TMPRSS9: variants seen among roughly 807,000 people sequenced by gnomAD.
The protein encoded by TMPRSS9 is transmembrane serine protease 9.
In TMPRSS9, 113 loss-of-function variants were observed where a neutral mutation model predicts 111.4. That is an observed-to-expected ratio of 1.01 (90% CI 0.87 to 1.19). The LOEUF (loss-of-function observed/expected upper bound fraction) is 1.19. Among genes scored for constraint, TMPRSS9 ranks in the 50% most tolerant of loss-of-function variants. The pLI is 0.00. For missense variants in TMPRSS9, 1,803 were observed against 1,513.1 expected (o/e 1.19, Z -3.18); for synonymous variants, 805 against 659.1 (o/e 1.22, Z -3.39).
chr19:2,394,690 A>G (rs1311860022), intron 1 of TMPRSS9, among the ~76,000 whole-genome samples: 1 of 152,150 alleles, frequency 6.6e-6, no homozygotes, highest in Non-Finnish European at 1.5e-5. Context: ...ATACCCATCT[A>G]GCATATCTAT....
At chr19:2,424,154 T>A in exon 15 of TMPRSS9, 2 of 1,450,746 alleles carry the variant, frequency 1.4e-6, no homozygotes, top group Non-Finnish European at 1.8e-6. Context: ...CCGTGGGGAG[T>A]GGCCGTGGCA....
At chr19:2,378,495 G>A (rs868724673) in intron 1 of TMPRSS9, among the ~76,000 whole-genome samples, 10 of 151,028 alleles carry the variant, frequency 6.6e-5, no homozygotes, top group African/African-American at 2.4e-4. Flanking sequence ...CAAGGTGAGT[G>A]GATCACAAGC....
intron 1 of TMPRSS9, among the ~76,000 whole-genome samples, chr19:2,381,061 G>C (rs553581650): frequency 6.6e-6 from 1 of 152,164 alleles, no homozygotes; most frequent in East Asian, 1.9e-4. Context: ...CATTCTTGTA[G>C]CATCATGTTA....
intron 7 of TMPRSS9, among the ~76,000 whole-genome samples, chr19:2,406,225 A>C (rs1400245533): frequency 6.7e-6 from 1 of 149,840 alleles, no homozygotes; most frequent in Non-Finnish European, 1.5e-5. Context: ...TCACCATGTT[A>C]GTCAGGATGG....
At chr19:2,422,345 C>T (rs1971486365) in intron 14 of TMPRSS9, 98 bp downstream of exon 15, 10 of 1,380,628 alleles carry the variant, frequency 7.2e-6, no homozygotes, top group African/African-American at 2.9e-5. Context: ...TTTGGGAGGC[C>T]GAGGCGGGCG....
At position 2,410,403 on chromosome 19, in the gene TMPRSS9, C is replaced by T. The variant is rs369027280; in HGVS notation, c.1254+9C>T. The T allele has an allele frequency of 6.2e-7, 1 of 1,613,514 alleles. No individual in the cohort carries two copies. The highest frequency in any genetic ancestry group is 8.5e-7 in the Non-Finnish European group (1 of 1,179,936). On this transcript the variant is annotated intron_variant, in intron 9 of 17. Coordinates refer to ENST00000648592, the Ensembl canonical transcript of TMPRSS9. ...AGGTGGACTCCTGCCAGGTGAGCCC[C>T]CGATGCCCCAGACCCCAGAAAAACA... is the stretch of plus-strand genomic sequence containing the variant.
At chr19:2,374,521 C>T (rs1970315187) in intron 1 of TMPRSS9, among the ~76,000 whole-genome samples, 2 of 151,882 alleles carry the variant, frequency 1.3e-5, no homozygotes, top group African/African-American at 4.8e-5. Flanking sequence ...TTGCAGTGAG[C>T]CGAGATCGCG....
At chr19:2,369,051 A>T (rs568290621) in intron 1 of TMPRSS9, among the ~76,000 whole-genome samples, 1 of 151,182 alleles carries the variant, frequency 6.6e-6, no homozygotes, top group African/African-American at 2.4e-5. Context: ...TCCCGGGTTC[A>T]AGTGATTCTC....
At chr19:2,401,139 T>A (rs12978526) in intron 4 of TMPRSS9, among the ~76,000 whole-genome samples, 6 of 151,594 alleles carry the variant, frequency 4.0e-5, no homozygotes, top group African/African-American at 1.2e-4. Flanking sequence ...CCGGGCGTGG[T>A]GGCGGGCGCC....
exon 1 of TMPRSS9, chr19:2,389,906 C>T: frequency 6.2e-7 from 1 of 1,612,546 alleles, no homozygotes; most frequent in Non-Finnish European, 8.5e-7. Context: ...CCTTGTCGTC[C>T]TCACCCTGGG....
At chr19:2,407,434 C>T (rs545919003) in intron 7 of TMPRSS9, among the ~76,000 whole-genome samples, 9 of 151,146 alleles carry the variant, frequency 6.0e-5, no homozygotes, top group Non-Finnish European at 8.8e-5. Flanking sequence ...GGCTGAGGCA[C>T]GAGGATCACT....
At chr19:2,415,475 C>T (rs779589315) in intron 10 of TMPRSS9, among the ~76,000 whole-genome samples, 195 bp from the exon 12 acceptor site, 5 of 152,092 alleles carry the variant, frequency 3.3e-5, no homozygotes, top group Admixed American at 6.6e-5. Context: ...GTCCCCGAAG[C>T]GAGGCCACGA....
intron 5 of TMPRSS9, 73 bp downstream of exon 6, chr19:2,402,089 A>C: frequency 6.8e-7 from 1 of 1,471,386 alleles, no homozygotes; most frequent in South Asian, 1.1e-5. Flanking sequence ...ATTTCAAGGA[A>C]GTGAAGGAAT....
upstream of TMPRSS9, among the ~76,000 whole-genome samples, chr19:2,385,256 A>G (rs117966130): frequency 0.046 from 6,766 of 148,428 alleles, 208 homozygotes; most frequent in African/African-American, 0.071. Context: ...TCCCAGGAGG[A>G]GGGATCCCAG....
intron 1 of TMPRSS9, among the ~76,000 whole-genome samples, chr19:2,382,504 C>A (rs1187408659): frequency 6.6e-6 from 1 of 152,130 alleles, no homozygotes; most frequent in African/African-American, 2.4e-5. Flanking sequence ...TACTAAAATA[C>A]AGATTAGAGA....
chr19:2,414,612 G>A (rs979634434), intron 10 of TMPRSS9, among the ~76,000 whole-genome samples: 3 of 151,738 alleles, frequency 2.0e-5, no homozygotes, highest in South Asian at 2.1e-4. Context: ...GCGGTGGCTC[G>A]TGCCTGTCAT....
intron 15 of TMPRSS9, among the ~76,000 whole-genome samples, 165 bp from the exon 17 acceptor site, chr19:2,424,837 T>G (rs1442907114): frequency 1.3e-5 from 2 of 151,964 alleles, no homozygotes; most frequent in African/African-American, 4.8e-5. Context: ...CGGTGCCGCC[T>G]CGGTGCCTGA....
chr19:2,380,590 G>C (rs1370258727), intron 1 of TMPRSS9, among the ~76,000 whole-genome samples: 1 of 56,410 alleles, frequency 1.8e-5, no homozygotes, highest in African/African-American at 8.9e-5. Flanking sequence ...AACAGAGCAA[G>C]ACTCCACCAA....
chr19:2,406,948 C>T (rs1316067993), intron 7 of TMPRSS9, among the ~76,000 whole-genome samples: 3 of 151,122 alleles, frequency 2.0e-5, no homozygotes, highest in Admixed American at 2.0e-4. Context: ...TACAGGCACC[C>T]GCCACCATGG....
Sources: gnomAD v4.1 joint callset for allele counts (sites outside exome capture counted in the v4.1 genomes callset) on GRCh38, gnomAD v4.1.1 for gene constraint, MANE v1.5 for transcripts, NCBI Gene and HGNC (gene_info 2026-07-23, HGNC 2026-07-21) for gene names.